Variants in LTBP1 observed in about 807,000 individuals in gnomAD.
LTBP1 encodes the protein latent transforming growth factor beta binding protein 1, also known as latent-transforming growth factor beta-binding protein 1.
LTBP1 carries 129 observed loss-of-function variants against 207.6 expected under a neutral mutation model. The ratio of observed to expected loss-of-function variants is 0.62; its 90% CI spans 0.54 to 0.72. LTBP1 has a LOEUF of 0.72. Among genes scored for constraint, LTBP1 ranks in the 30% least tolerant of loss-of-function variants. LTBP1 has a pLI of 0.00. For synonymous variants in LTBP1, 963 were observed against 833.7 expected (o/e 1.16, Z -2.67); for missense variants, 2,281 against 2,217.2 (o/e 1.03, Z -0.58).
chr2:32,963,865 G>A (rs910018914), intron 2 of LTBP1, among the ~76,000 whole-genome samples: 9 of 152,114 alleles, frequency 5.9e-5, no homozygotes, highest in Admixed American at 1.3e-4. Flanking sequence ...AAGCTTGAGG[G>A]CCCTGAGTTT....
chr2:33,215,141 A>G (rs1202020412), intron 7 of LTBP1, among the ~76,000 whole-genome samples: 3 of 151,680 alleles, frequency 2.0e-5, no homozygotes, highest in African/African-American at 7.3e-5. Context: ...GCTTTTATCT[A>G]TAATAATAAT....
At chr2:32,957,672 C>T (rs1011282380) in intron 2 of LTBP1, among the ~76,000 whole-genome samples, 4 of 152,138 alleles carry the variant, frequency 2.6e-5, no homozygotes, top group African/African-American at 9.7e-5. Flanking sequence ...GAATGTGACA[C>T]AGAGACAGAA....
At chr2:32,997,264 G>A (rs1011519694) in intron 2 of LTBP1, among the ~76,000 whole-genome samples, 2 of 152,040 alleles carry the variant, frequency 1.3e-5, no homozygotes, top group Non-Finnish European at 2.9e-5. Context: ...TAATCTCACC[G>A]CTTTGGGAGG....
At chr2:33,111,962 G>A (rs964714658) in intron 4 of LTBP1, among the ~76,000 whole-genome samples, 2 of 152,038 alleles carry the variant, frequency 1.3e-5, no homozygotes, top group Non-Finnish European at 2.9e-5. Context: ...TTAAAGAGCC[G>A]TTTCTCTTAA....
chr2:33,060,188 A>AGT (rs1553388835), intron 3 of LTBP1, among the ~76,000 whole-genome samples: 1 of 151,990 alleles, frequency 6.6e-6, no homozygotes, highest in Non-Finnish European at 1.5e-5. Flanking sequence ...AAGTTAGCTT[A>AGT]CTCTGTTGCA....
intron 31 of LTBP1, among the ~76,000 whole-genome samples, chr2:33,368,105 G>A (rs967305346): frequency 6.6e-6 from 1 of 152,120 alleles, no homozygotes; most frequent in Middle Eastern, 3.2e-3. Context: ...TACTCAGGAG[G>A]CTGAGGCAGG....
At chr2:33,172,305 G>C (rs2085536034) in intron 5 of LTBP1, among the ~76,000 whole-genome samples, 1 of 152,166 alleles carries the variant, frequency 6.6e-6, no homozygotes, top group Non-Finnish European at 1.5e-5. Context: ...AAGGATGGAA[G>C]AAGATCTACC....
intron 2 of LTBP1, among the ~76,000 whole-genome samples, chr2:32,951,450 A>T (rs1485119371): frequency 1.3e-5 from 2 of 152,212 alleles, no homozygotes; most frequent in Admixed American, 6.5e-5. Flanking sequence ...AGATCCAGGG[A>T]GCTGAGAGAG....
intron 32 of LTBP1, among the ~76,000 whole-genome samples, chr2:33,395,905 A>ATTTTTTT (rs376980446): frequency 6.9e-6 from 1 of 144,388 alleles, no homozygotes. Context: ...TTCTAGCCAT[A>ATTTTTTT]TATTTTTTTT....
At chr2:33,244,617 G>A (rs2092445928) in intron 10 of LTBP1, among the ~76,000 whole-genome samples, 2 of 152,128 alleles carry the variant, frequency 1.3e-5, no homozygotes, top group African/African-American at 2.4e-5. Flanking sequence ...AAGTAATCAT[G>A]CCCATTATTA....
chr2:33,233,770 T>G (rs893554602), intron 9 of LTBP1, among the ~76,000 whole-genome samples: 4 of 152,148 alleles, frequency 2.6e-5, no homozygotes, highest in Admixed American at 6.5e-5. Context: ...TTTCTAATAT[T>G]AGTAAATTTA....
chr2:33,222,076 A>G lies in LTBP1; in HGVS notation c.1805-4A>G. 6.2e-7 allele frequency: 1 copy of G among 1,608,722 alleles called. No individual in the cohort carries two copies. Among genetic ancestry groups the G allele is most frequent in the Non-Finnish European group, 8.5e-7 (1 of 1,175,048 alleles). On this transcript the variant is annotated splice_polypyrimidine_tract_variant and splice_region_variant and intron_variant, in intron 8 of 33. Coordinates refer to ENST00000404816, the MANE Select transcript of LTBP1 (RefSeq NM_206943.4). ...TATGTAACAAAGCATTTCTTCCCTT[A>G]CAGCTTATCATGGATACAACCAAAT...
intron 5 of LTBP1, among the ~76,000 whole-genome samples, chr2:33,142,753 G>A (rs1339929659): frequency 6.6e-6 from 1 of 152,168 alleles, no homozygotes; most frequent in Non-Finnish European, 1.5e-5. Context: ...CCAGATCTGT[G>A]AGAAAGGCAC....
intron 31 of LTBP1, among the ~76,000 whole-genome samples, chr2:33,387,736 GT>G (rs5830256): frequency 7.4e-5 from 11 of 147,868 alleles, no homozygotes; most frequent in South Asian, 4.3e-4. Flanking sequence ...CCTTGGTGGG[GT>G]TTTTTTTTTT....
intron 8 of LTBP1, among the ~76,000 whole-genome samples, chr2:33,218,419 G>A (rs947584338): frequency 2.0e-5 from 3 of 151,998 alleles, no homozygotes; most frequent in South Asian, 2.1e-4. Context: ...TTTTTGAGAC[G>A]GAATTTCACT....
chr2:33,167,744 A>T (rs985925578), intron 5 of LTBP1, among the ~76,000 whole-genome samples: 3 of 152,224 alleles, frequency 2.0e-5, no homozygotes, highest in African/African-American at 7.2e-5. Flanking sequence ...CAGTGGTCAG[A>T]AGAGTCCAAG....
At chr2:33,218,824 A>G (rs2090901362) in intron 8 of LTBP1, among the ~76,000 whole-genome samples, 1 of 152,194 alleles carries the variant, frequency 6.6e-6, no homozygotes, top group Non-Finnish European at 1.5e-5. Context: ...ATATAACTGA[A>G]GTTTTTATAA....
At chr2:33,258,828 A>C (rs1310527843) in intron 12 of LTBP1, among the ~76,000 whole-genome samples, 1 of 152,226 alleles carries the variant, frequency 6.6e-6, no homozygotes, top group Non-Finnish European at 1.5e-5. Context: ...ATGTTTTTAC[A>C]GGAGACATTG....
intron 32 of LTBP1, among the ~76,000 whole-genome samples, chr2:33,392,716 T>C (rs1487967243): frequency 6.6e-6 from 1 of 152,182 alleles, no homozygotes; most frequent in Non-Finnish European, 1.5e-5. Context: ...TGTGGGGAGT[T>C]TCAAGTTTTA....
Sources: gnomAD v4.1 joint callset for allele counts (sites outside exome capture counted in the v4.1 genomes callset) on GRCh38, gnomAD v4.1.1 for gene constraint, MANE v1.5 for transcripts, NCBI Gene and HGNC (gene_info 2026-07-23, HGNC 2026-07-21) for gene names.